NRAP: variants seen among roughly 807,000 people sequenced by gnomAD.
The protein encoded by NRAP is nebulin-related-anchoring protein.
In NRAP, 189 loss-of-function variants were observed where a neutral mutation model predicts 225.9. The observed-to-expected ratio is 0.84, with a 90% CI of 0.74 to 0.94. NRAP has a LOEUF of 0.94. Ranked by LOEUF, NRAP falls within the 40% of genes least tolerant of loss-of-function variation. The probability of loss-of-function intolerance (pLI) is 0.00; values close to 1 mark genes in which losing one functional copy is unlikely to be tolerated. For missense variants in NRAP, 2,176 were observed against 2,168.7 expected, an observed-to-expected ratio of 1.00 and a Z score of -0.07; for synonymous variants, 769 against 790.7, an observed-to-expected ratio of 0.97 and a Z score of 0.46.
intron 34 of NRAP, 49 bp from the exon 35 acceptor site, chr10:113,604,969 C>A: frequency 6.4e-7 from 1 of 1,561,578 alleles, no homozygotes; most frequent in Non-Finnish European, 8.7e-7. Flanking sequence ...GTTTTCATTG[C>A]AGACTCTAGA....
intron 4 of NRAP, among the ~76,000 whole-genome samples, chr10:113,655,043 A>G (rs1850223353): frequency 6.6e-6 from 1 of 152,212 alleles, no homozygotes; most frequent in Non-Finnish European, 1.5e-5. Context: ...CAGGTTGGAT[A>G]GAGCCAGCCT....
At chr10:113,600,155 T>TTCTCTCTCTCTCTC (rs10529111) in intron 35 of NRAP, among the ~76,000 whole-genome samples, 8,913 of 140,088 alleles carry the variant, frequency 0.064, 398 homozygotes, top group Middle Eastern at 0.085. Flanking sequence ...AGGGGTTATA[T>TTCTCTCTCTCTCTC]TCTCTCTCTC....
At chr10:113,633,328 T>C in intron 15 of NRAP, 140 bp from the exon 16 acceptor site, 1 of 575,892 alleles carries the variant, frequency 1.7e-6, no homozygotes, top group African/African-American at 1.9e-5. Context: ...CCTGTACTTT[T>C]TGTGAATGTT....
chr10:113,607,423 A>C lies in NRAP; in HGVS notation c.3702+991T>G, dbSNP rs1472208770. Among the ~76,000 whole-genome samples, 7 of 143,334 alleles carry C rather than the reference A, an allele frequency of 4.9e-5. 1 individual carries two copies. The highest frequency in any genetic ancestry group is 1.9e-4 in the African/African-American group (7 of 37,212). 94.0% of individuals were successfully genotyped at this position (143,334 alleles called of 152,430 possible). A position where few individuals can be genotyped will look rare whatever the true frequency, so the allele number is the denominator to read the frequency against. ...TCAAAAAAAAAAAAAAAAAAAAAAA[A>C]AAAAAAAAAAAAAGAAAAGAAAGAA... On this transcript the variant is annotated intron_variant, in intron 32 of 41. Coordinates refer to ENST00000359988, the MANE Select transcript of NRAP (RefSeq NM_198060.4).
At chr10:113,646,001 T>C in intron 10 of NRAP, 60 bp from the exon 11 acceptor site, 5 of 864,846 alleles carry the variant, frequency 5.8e-6, no homozygotes, top group East Asian at 2.6e-5. Flanking sequence ...GGGAGGGGAA[T>C]TACTCCAAAG....
chr10:113,647,081 G>A, intron 9 of NRAP, 54 bp from the exon 10 acceptor site: 2 of 1,146,640 alleles, frequency 1.7e-6, no homozygotes, highest in Non-Finnish European at 2.7e-6. Flanking sequence ...CCAGATGGGT[G>A]GGGTTCAGCA....
At chr10:113,655,166 A>T (rs1472113470) in intron 4 of NRAP, among the ~76,000 whole-genome samples, 2 of 152,254 alleles carry the variant, frequency 1.3e-5, no homozygotes, top group Admixed American at 1.3e-4. Context: ...CTTATCTGAC[A>T]ATACCAAGTG....
At chr10:113,651,392 T>C (rs759556757) in intron 7 of NRAP, among the ~76,000 whole-genome samples, 3 of 152,192 alleles carry the variant, frequency 2.0e-5, no homozygotes, top group Non-Finnish European at 4.4e-5. Flanking sequence ...GTTTGTTACG[T>C]AGGTAAATGT....
Position 113,615,668 on chromosome 10 carries a change from C to T in NRAP, c.3078+44G>A, listed in dbSNP as rs145555665. On this transcript the variant is annotated intron_variant, in intron 27 of 41. Transcript: ENST00000359988. ...TTGTGTGCCTGCCCATGACCAGCCC[C>T]GCTCTCCCGTCATTAAAACTCGTGC... 7.2e-5 allele frequency: 79 copies of T among 1,090,384 alleles called. No individual in the cohort carries two copies. In the East Asian group the frequency reaches 1.0e-3, roughly 14 times the overall value. 67.5% of individuals were successfully genotyped at this position (1,090,384 alleles called of 1,614,324 possible). A position where few individuals can be genotyped will look rare whatever the true frequency, so the allele number is the denominator to read the frequency against.
rs775904760 is a variant in NRAP at position 113,645,861 on chromosome 10, G to C, written c.1074C>G (p.Leu358=). ...GTTTGTTTACGCTCTGAGCCTGTTTGAGAACCAAGTTGTCTTGAGCTGGAA... is the reference window on the plus strand; with the variant it reads ...GTTTGTTTACGCTCTGAGCCTGTTTCAGAACCAAGTTGTCTTGAGCTGGAA... ...HSLPAQDNLV[L]KQAQSVNKLV... The change falls in exon 11 of 42, where the codon CTC becomes CTG. Residue 358 remains leucine, a synonymous_variant. Coordinates refer to ENST00000359988, the MANE Select transcript of NRAP (RefSeq NM_198060.4). 6.2e-7 allele frequency: 1 copy of C among 1,610,086 alleles called. No individual in the cohort carries two copies. Among genetic ancestry groups the C allele is most frequent in the South Asian group, 1.1e-5 (1 of 90,748 alleles).
chr10:113,655,449 T>A (rs1278637424), intron 4 of NRAP, among the ~76,000 whole-genome samples: 2 of 77,740 alleles, frequency 2.6e-5, no homozygotes, highest in African/African-American at 8.8e-5. Context: ...GTATTGTACA[T>A]CCATTTTTTT....
At chr10:113,653,989 C>G (rs370656286) in intron 5 of NRAP, 32 bp downstream of exon 5, 79 of 1,335,480 alleles carry the variant, frequency 5.9e-5, no homozygotes, top group Non-Finnish European at 8.3e-5. Context: ...AATTGCTAAA[C>G]CAATTCCTAA....
In NRAP at chr10:113,633,364, A is replaced by G. The variant is rs559124025; in HGVS notation, c.1528-176T>C. 6.6e-5 allele frequency among the ~76,000 whole-genome samples: 10 copies of G among 152,338 alleles called. No individual in the cohort carries two copies. The East Asian group carries it at 1.7e-3, about 26-fold the overall frequency. On this transcript the variant is annotated intron_variant, in intron 15 of 41. Coordinates refer to ENST00000359988, the MANE Select transcript of NRAP (RefSeq NM_198060.4). ...TTAAATTAATGAACTGAAGGTGTCAAATGAAAACTAAAGAAACTCAAAGGC... is the reference window on the plus strand; with the variant it reads ...TTAAATTAATGAACTGAAGGTGTCAGATGAAAACTAAAGAAACTCAAAGGC...
Position 113,629,657 on chromosome 10 carries a change from A to G in NRAP, c.1971T>C (p.His657=). The G allele has an allele frequency of 6.2e-7, 1 of 1,614,078 alleles. No homozygotes were observed. The highest frequency in any genetic ancestry group is 8.5e-7 in the Non-Finnish European group (1 of 1,179,944). Reference sequence around the variant, plus strand: ...TATCTTCAGGCAGCACAGTGTATTCATGCAGTTTCTTCCTGTAGTCCAGGT... The same window carrying G: ...TATCTTCAGGCAGCACAGTGTATTCGTGCAGTTTCTTCCTGTAGTCCAGGT... ...ASDLDYRKKL[H]EYTVLPEDMK... The change falls in exon 19 of 42, where the codon CAT becomes CAC. Residue 657 remains histidine, a synonymous_variant. Coordinates refer to ENST00000359988, the MANE Select transcript of NRAP (RefSeq NM_198060.4).
chr10:113,619,098 G>A (rs1271231480), intron 25 of NRAP, among the ~76,000 whole-genome samples: 1 of 152,188 alleles, frequency 6.6e-6, no homozygotes, highest in African/African-American at 2.4e-5. Flanking sequence ...GCCCATCAAA[G>A]AGGATAAGCA....
At chr10:113,632,247 C>A (rs1848620245) in intron 16 of NRAP, among the ~76,000 whole-genome samples, 1 of 152,172 alleles carries the variant, frequency 6.6e-6, no homozygotes, top group African/African-American at 2.4e-5. Flanking sequence ...CCTCTTGGGG[C>A]CTCAATCTCC....
At chr10:113,604,424 A>G (rs1334727346) in intron 35 of NRAP, among the ~76,000 whole-genome samples, 185 bp downstream of exon 35, 1 of 152,176 alleles carries the variant, frequency 6.6e-6, no homozygotes, top group Admixed American at 6.5e-5. Flanking sequence ...CTCAATAAAG[A>G]TTAGTTGAAT....
chr10:113,615,876 A>G (rs1447832059), intron 26 of NRAP, 60 bp from the exon 27 acceptor site: 1 of 968,284 alleles, frequency 1.0e-6, no homozygotes, highest in Non-Finnish European at 1.6e-6. Context: ...GCCATCAGCC[A>G]GGTTACGCTT....
At chr10:113,623,456 ACACT>A (rs1368165537) in intron 23 of NRAP, 69 bp downstream of exon 23, 4 of 906,152 alleles carry the variant, frequency 4.4e-6, no homozygotes, top group Non-Finnish European at 7.0e-6. Context: ...ACCTGCCCAG[ACACT>A]CAGAGAATCT....
Sources: allele counts gnomAD v4.1 joint callset (sites outside exome capture counted in the v4.1 genomes callset), GRCh38; gene constraint gnomAD v4.1.1; transcripts MANE v1.5; gene names NCBI Gene and HGNC (gene_info 2026-07-23, HGNC 2026-07-21).